SLIT3: variants seen among roughly 807,000 people sequenced by gnomAD.
The protein encoded by SLIT3 is slit guidance ligand 3.
Under a neutral mutation model 184.0 loss-of-function variants are expected in SLIT3, and 68 were observed. The observed-to-expected ratio is 0.37, with a 90% confidence interval of 0.30 to 0.45. The LOEUF (loss-of-function observed/expected upper bound fraction) is 0.45, where lower values mean the gene tolerates loss of function less well. SLIT3 is among the 20% of genes least tolerant of loss of function. The probability of loss-of-function intolerance (pLI) is 1.00; values close to 1 mark genes in which losing one functional copy is unlikely to be tolerated. For synonymous variants in SLIT3, 831 were observed against 828.6 expected, an observed-to-expected ratio of 1.00 and a Z score of -0.05; for missense variants, 1,707 against 2,026.0, an observed-to-expected ratio of 0.84 and a Z score of 3.02.
chr5:168,800,977 T>C (rs1035450247), intron 9 of SLIT3, among the ~76,000 whole-genome samples: 4 of 152,198 alleles, frequency 2.6e-5, no homozygotes, highest in African/African-American at 9.7e-5. Context: ...TGTTATTTAA[T>C]CTTCACGGGA....
intron 3 of SLIT3, among the ~76,000 whole-genome samples, chr5:169,200,155 C>T (rs1049313662): frequency 3.3e-5 from 5 of 152,184 alleles, no homozygotes; most frequent in Non-Finnish European, 7.3e-5. Flanking sequence ...ACTTCCCCTC[C>T]CTCAGGAAAG....
chr5:169,121,188 G>T (rs777392928), intron 4 of SLIT3, among the ~76,000 whole-genome samples: 2 of 152,130 alleles, frequency 1.3e-5, no homozygotes, highest in Non-Finnish European at 2.9e-5. Context: ...GAGACATCAG[G>T]AGCTGTGGCC....
intron 1 of SLIT3, among the ~76,000 whole-genome samples, chr5:169,277,805 C>T (rs4643977): frequency 0.2 from 30,462 of 152,026 alleles, 4,048 homozygotes; most frequent in Non-Finnish European, 0.3. Flanking sequence ...TATGGTAGTC[C>T]TACGTTTAAA....
At position 169,300,478 on chromosome 5, in the gene SLIT3, G is replaced by T; in HGVS notation, c.197+35C>A. ...GGGGCCCCCTCGGTGGGACCCAGGT[G>T]GGTGGCCCGCGTGGGGTGGGGCAGG... is the stretch of plus-strand genomic sequence containing the variant. On this transcript the variant is annotated intron_variant, in intron 1 of 35. Transcript: ENST00000519560. The surrounding 1 kb of genome is among the most constrained non-coding windows in gnomAD (Gnocchi z 4.1). The T allele has an allele frequency of 7.0e-7, 1 of 1,435,976 alleles. No homozygotes were observed. The allele number at this position is 1,435,976 out of a possible 1,614,324, so 89.0% of individuals were successfully genotyped here. A position where few individuals can be genotyped will look rare whatever the true frequency, so the allele number is the denominator to read the frequency against.
intron 1 of SLIT3, among the ~76,000 whole-genome samples, chr5:169,283,864 C>T (rs193055094): frequency 2.6e-4 from 39 of 152,130 alleles, no homozygotes; most frequent in African/African-American, 8.2e-4. Context: ...GTCTTTTATC[C>T]GATTATTTAG....
At position 169,171,255 on chromosome 5, in the gene SLIT3, G is replaced by T. The variant is rs1021776454; in HGVS notation, c.413+22224C>A. 1.3e-5 allele frequency among the ~76,000 whole-genome samples: 2 copies of T among 152,300 alleles called. 1 individual carries two copies. The highest frequency in any genetic ancestry group is 1.3e-4 in the Admixed American group (2 of 15,294). ...CAACACTTTGTAAGGATTATTTCAC[G>T]TGATGTTTGCAATGACTTTCCAGTT... On this transcript the variant is annotated intron_variant, in intron 4 of 35. Transcript: ENST00000519560.
intron 5 of SLIT3, among the ~76,000 whole-genome samples, chr5:168,878,962 G>A (rs905633937): frequency 6.6e-6 from 1 of 152,124 alleles, no homozygotes; most frequent in Non-Finnish European, 1.5e-5. Flanking sequence ...TGATCCACCC[G>A]CCTTGGCCTC....
At chr5:168,896,976 C>G (rs1760685902) in intron 4 of SLIT3, among the ~76,000 whole-genome samples, 1 of 152,092 alleles carries the variant, frequency 6.6e-6, no homozygotes, top group African/African-American at 2.4e-5. Flanking sequence ...GCAGGAAAAG[C>G]CATCATTATG....
chr5:168,963,711 C>G (rs1010326333), intron 4 of SLIT3, among the ~76,000 whole-genome samples: 3 of 152,230 alleles, frequency 2.0e-5, no homozygotes, highest in African/African-American at 7.2e-5. Flanking sequence ...GTCTGATAGG[C>G]AGTTGCTGCG....
At chr5:168,777,676 T>C (rs1029778219) in intron 12 of SLIT3, among the ~76,000 whole-genome samples, 8 of 151,988 alleles carry the variant, frequency 5.3e-5, no homozygotes, top group Non-Finnish European at 8.8e-5. Flanking sequence ...AAGGGCAGAG[T>C]CTCCTGGTCA....
Position 168,905,767 on chromosome 5 carries a change from G to A in SLIT3, c.414-22431C>T, listed in dbSNP as rs1761030423. ...TGAACCACAGCGTTTCCTTGGAGGA[G>A]CCTGGGTTAGCATGCCTGCCCTGCC... On this transcript the variant is annotated intron_variant, in intron 4 of 35. Coordinates refer to ENST00000519560, the MANE Select transcript of SLIT3 (RefSeq NM_003062.4). Among the ~76,000 whole-genome samples the A allele has an allele frequency of 2.0e-5, 3 of 152,216 alleles. No homozygotes were observed. The South Asian group carries it at 6.2e-4, about 31-fold the overall frequency.
At chr5:168,854,071 A>C (rs772954262) in intron 5 of SLIT3, among the ~76,000 whole-genome samples, 2 of 152,162 alleles carry the variant, frequency 1.3e-5, no homozygotes, top group Admixed American at 6.5e-5. Flanking sequence ...GTTATGTAGC[A>C]TCAAAAAAGG....
At chr5:168,802,747 G>A (rs1581098445) in intron 9 of SLIT3, among the ~76,000 whole-genome samples, 1 of 152,174 alleles carries the variant, frequency 6.6e-6, no homozygotes, top group Non-Finnish European at 1.5e-5. Flanking sequence ...AATAAAGGTC[G>A]TGGTGATAGT....
At chr5:168,965,888 C>A (rs1763169633) in intron 4 of SLIT3, among the ~76,000 whole-genome samples, 1 of 152,122 alleles carries the variant, frequency 6.6e-6, no homozygotes, top group Non-Finnish European at 1.5e-5. Context: ...TTCATCCTAC[C>A]CTGTTTAGTG....
At chr5:169,286,385 A>G (rs1290390962) in intron 1 of SLIT3, among the ~76,000 whole-genome samples, 1 of 152,148 alleles carries the variant, frequency 6.6e-6, no homozygotes, top group East Asian at 1.9e-4. Flanking sequence ...GCCTTAATCA[A>G]GGACCAGCCA....
intron 1 of SLIT3, among the ~76,000 whole-genome samples, chr5:169,299,652 T>A (rs1186246214): frequency 6.6e-6 from 1 of 152,026 alleles, no homozygotes; most frequent in Non-Finnish European, 1.5e-5. Flanking sequence ...GGTCCGAGGA[T>A]CAAAATGATA....
rs1289404231 is a variant in SLIT3 at position 168,665,587 on chromosome 5, T to G, written c.*867A>C. ...CTCTCCTGGGGAGGAGCAGGAAAAA[T>G]AGCAGCTGTTTTAAAATTTGGTAAG... On this transcript the variant is annotated 3_prime_UTR_variant, in exon 36 of 36. Transcript: ENST00000519560. The G allele has an allele frequency of 6.6e-6, 1 of 152,186 alleles. No individual in the cohort carries two copies. The highest frequency in any genetic ancestry group is 1.5e-5 in the Non-Finnish European group (1 of 68,068). 9.4% of individuals were successfully genotyped at this position (152,186 alleles called of 1,614,324 possible).
intron 4 of SLIT3, among the ~76,000 whole-genome samples, chr5:169,015,043 C>T (rs952438929): frequency 6.6e-6 from 1 of 151,942 alleles, no homozygotes; most frequent in South Asian, 2.1e-4. Flanking sequence ...AAAAGCAAAA[C>T]CTTGTCATTG....
chr5:169,103,379 A>G (rs1409667438), intron 4 of SLIT3, among the ~76,000 whole-genome samples: 1 of 152,138 alleles, frequency 6.6e-6, no homozygotes, highest in Non-Finnish European at 1.5e-5. Flanking sequence ...GCCTCTGAGA[A>G]AGGGTTTGAA....
Sources: gnomAD v4.1 joint callset for allele counts (sites outside exome capture counted in the v4.1 genomes callset) on GRCh38, gnomAD v4.1.1 for gene constraint, Gnocchi (gnomAD v3.1) non-coding constraint, MANE v1.5 for transcripts, NCBI Gene and HGNC (gene_info 2026-07-23, HGNC 2026-07-21) for gene names.